Variants in PALLD observed in about 807,000 individuals in gnomAD.
PALLD encodes palladin.
A neutral mutation model predicts 123.5 loss-of-function variants in PALLD; 61 were observed. The observed-to-expected ratio is 0.49, with a 90% confidence interval of 0.40 to 0.61. The LOEUF (loss-of-function observed/expected upper bound fraction) is 0.61. PALLD is among the 20% of genes least tolerant of loss of function. The probability of loss-of-function intolerance (pLI) is 0.00; values close to 1 mark genes in which losing one functional copy is unlikely to be tolerated. For missense variants in PALLD, 1,273 were observed against 1,377.0 expected (o/e 0.92, Z 1.20); for synonymous variants, 465 against 496.4 (o/e 0.94, Z 0.84).
At chr4:168,583,238 T>A (rs1055991622) in intron 2 of PALLD, among the ~76,000 whole-genome samples, 1 of 152,176 alleles carries the variant, frequency 6.6e-6, no homozygotes, top group Non-Finnish European at 1.5e-5. Flanking sequence ...AAGATATTGT[T>A]CCTACAATAT....
At chr4:168,824,660 A>T (rs1743166846) in intron 10 of PALLD, among the ~76,000 whole-genome samples, 1 of 149,832 alleles carries the variant, frequency 6.7e-6, no homozygotes, top group Admixed American at 6.7e-5. Context: ...AATCTTGGGT[A>T]AAAAAAAAAT....
intron 17 of PALLD, among the ~76,000 whole-genome samples, chr4:168,917,239 G>T (rs575052431): frequency 6.6e-6 from 1 of 151,210 alleles, no homozygotes; most frequent in Non-Finnish European, 1.5e-5. Flanking sequence ...TAGTACAGAC[G>T]GGGTTTCACC....
intron 2 of PALLD, among the ~76,000 whole-genome samples, chr4:168,582,114 T>A (rs1770346916): frequency 6.6e-6 from 1 of 152,120 alleles, no homozygotes. Context: ...CATTGGTCTA[T>A]ATGTCTGTTT....
At chr4:168,709,380 C>T (rs936984437) in intron 9 of PALLD, among the ~76,000 whole-genome samples, 1 of 150,804 alleles carries the variant, frequency 6.6e-6, no homozygotes, top group Non-Finnish European at 1.5e-5. Context: ...TGTGGTGGTG[C>T]GTGCCTGTAA....
rs370466913 is a variant in PALLD at position 168,512,406 on chromosome 4, G to A, written c.902G>A (p.Arg301Gln). The A allele has an allele frequency of 1.5e-5, 24 of 1,612,802 alleles. 1 individual carries two copies. In the South Asian group the frequency reaches 1.8e-4, roughly 12 times the overall value. ...ECRVTGNPTP[R>Q]VRWFCEGKEL... ...AGAGTCACTGGAAACCCCACTCCTC[G>A]AGTCAGGTATGAATTTTTGTATTAT... The change falls in exon 2 of 22, where the codon CGA becomes CAA. Residue 301 changes from arginine to glutamine, a missense_variant. Physicochemically the swap from Arg to Gln is conservative, Grantham distance 43 (BLOSUM62 1). Around this residue, in one of 2 missense-constraint regions of PALLD, gnomAD observed 944 missense variants for 954.5 expected, o/e 0.99. Coordinates refer to ENST00000505667, the MANE Select transcript of PALLD (RefSeq NM_001166108.2).
chr4:168,586,463 C>T (rs889216604), intron 2 of PALLD, among the ~76,000 whole-genome samples: 4 of 152,144 alleles, frequency 2.6e-5, no homozygotes, highest in Non-Finnish European at 4.4e-5. Context: ...GTTTTGCTGT[C>T]GTTGATCACT....
At chr4:168,795,209 C>A (rs989855071) in intron 10 of PALLD, among the ~76,000 whole-genome samples, 6 of 152,206 alleles carry the variant, frequency 3.9e-5, no homozygotes, top group Non-Finnish European at 8.8e-5. Flanking sequence ...CAGTCTTTAG[C>A]AAGATCTCAC....
intron 2 of PALLD, among the ~76,000 whole-genome samples, chr4:168,539,569 AAATAAATAAATAAAT>A (rs1765410614): frequency 1.1e-3 from 1 of 884 alleles, no homozygotes; most frequent in African/African-American, 2.5e-3. Flanking sequence ...CAAAAAATAA[AAATAAATAAATAAAT>A]AAATAAATAA....
intron 10 of PALLD, among the ~76,000 whole-genome samples, chr4:168,828,379 G>A (rs947830834): frequency 6.6e-6 from 1 of 152,210 alleles, no homozygotes; most frequent in African/African-American, 2.4e-5. Flanking sequence ...TGTGGTAGCA[G>A]TAAAAAGACA....
At position 168,725,584 on chromosome 4, in the gene PALLD, T is replaced by A. The variant is rs1212153406; in HGVS notation, c.1964+13661T>A. On this transcript the variant is annotated intron_variant, in intron 10 of 21. Coordinates refer to ENST00000505667, the MANE Select transcript of PALLD (RefSeq NM_001166108.2). ...CTCTGTTGCCCAGGCTGGAGTGCAG[T>A]GGTGCGATCTCTGCTCACTGCAAGC... 5.0e-5 allele frequency among the ~76,000 whole-genome samples: 7 copies of A among 139,822 alleles called. No individual in the cohort carries two copies. In the Admixed American group the frequency reaches 5.6e-4, roughly 11 times the overall value. 91.7% of individuals were successfully genotyped at this position (139,822 alleles called of 152,430 possible). A position where few individuals can be genotyped will look rare whatever the true frequency, so the allele number is the denominator to read the frequency against.
At chr4:168,570,165 G>A (rs1225364429) in intron 2 of PALLD, among the ~76,000 whole-genome samples, 1 of 152,148 alleles carries the variant, frequency 6.6e-6, no homozygotes, top group Non-Finnish European at 1.5e-5. Flanking sequence ...AAGTTTTACT[G>A]CAATATGTTG....
chr4:168,735,364 AAG>A (rs1787638278), intron 10 of PALLD, among the ~76,000 whole-genome samples: 2 of 152,206 alleles, frequency 1.3e-5, no homozygotes, highest in African/African-American at 4.8e-5. Flanking sequence ...AGGAGAAGGA[AAG>A]AGAGTATTTA....
Position 168,785,862 on chromosome 4 carries a change from T to C in PALLD, c.1964+73939T>C, listed in dbSNP as rs1276909360. Reference sequence around the variant, plus strand: ...AACTGTAGAGATATATATATATATATATATATATATATATAGCATTTTAAG... The same window carrying C: ...AACTGTAGAGATATATATATATATACATATATATATATATAGCATTTTAAG... On this transcript the variant is annotated intron_variant, in intron 10 of 21. Coordinates refer to ENST00000505667, the MANE Select transcript of PALLD (RefSeq NM_001166108.2). Among the ~76,000 whole-genome samples, 292 of 136,126 alleles carry C rather than the reference T, an allele frequency of 2.1e-3. 11 individuals are homozygous for C. The highest frequency in any genetic ancestry group is 6.4e-3 in the African/African-American group (246 of 38,636). 89.3% of individuals were successfully genotyped at this position (136,126 alleles called of 152,430 possible). A position where few individuals can be genotyped will look rare whatever the true frequency, so the allele number is the denominator to read the frequency against.
At chr4:168,686,083 A>C (rs577920769) in intron 6 of PALLD, among the ~76,000 whole-genome samples, 5 of 152,228 alleles carry the variant, frequency 3.3e-5, no homozygotes, top group African/African-American at 9.6e-5. Context: ...AAAAGGCCCA[A>C]ATAAATGGAG....
intron 10 of PALLD, among the ~76,000 whole-genome samples, chr4:168,814,669 A>G (rs1741654205): frequency 6.6e-6 from 1 of 152,198 alleles, no homozygotes; most frequent in Non-Finnish European, 1.5e-5. Flanking sequence ...GCTTCTGAAG[A>G]CACTGGGCTG....
intron 2 of PALLD, among the ~76,000 whole-genome samples, chr4:168,665,140 A>G (rs1779508424): frequency 6.6e-6 from 1 of 152,220 alleles, no homozygotes; most frequent in Non-Finnish European, 1.5e-5. Context: ...CTAGGATACA[A>G]TCATGTTTCT....
Position 168,807,239 on chromosome 4 carries a change from T to C in PALLD, c.1965-83683T>C, listed in dbSNP as rs1740341539. On this transcript the variant is annotated intron_variant, in intron 10 of 21. Coordinates refer to ENST00000505667, the MANE Select transcript of PALLD (RefSeq NM_001166108.2). Reference sequence around the variant, plus strand: ...GAGACTAAAGGCTTTAGGGAGAAATTTGGGGGCCAATAAAAAGCTATGAGT... The same window carrying C: ...GAGACTAAAGGCTTTAGGGAGAAATCTGGGGGCCAATAAAAAGCTATGAGT... Among the ~76,000 whole-genome samples the C allele has an allele frequency of 2.0e-5, 3 of 151,102 alleles. No individual in the cohort carries two copies. The South Asian group carries it at 6.3e-4, about 32-fold the overall frequency.
At chr4:168,776,333 G>T (rs1735161324) in intron 10 of PALLD, among the ~76,000 whole-genome samples, 1 of 152,086 alleles carries the variant, frequency 6.6e-6, no homozygotes, top group African/African-American at 2.4e-5. Flanking sequence ...CTAGTATGTA[G>T]AAATACAGTT....
At chr4:168,903,618 C>T in intron 14 of PALLD, 139 bp from the exon 15 acceptor site, 1 of 688,356 alleles carries the variant, frequency 1.5e-6, no homozygotes, top group South Asian at 1.7e-5. Context: ...AAATCAATTC[C>T]TTAGTCAGGT....
Sources: allele counts gnomAD v4.1 joint callset (sites outside exome capture counted in the v4.1 genomes callset), GRCh38; gene constraint gnomAD v4.1.1; regional missense constraint gnomAD v4.1.1; transcripts MANE v1.5; gene names NCBI Gene and HGNC (gene_info 2026-07-23, HGNC 2026-07-21).